The following ASIC2 variants were observed in gnomAD, a reference collection of about 807,000 sequenced individuals.
The protein encoded by ASIC2 is acid-sensing ion channel 2.
In ASIC2, 25 loss-of-function variants were observed where a neutral mutation model predicts 57.3. That is an observed-to-expected ratio of 0.44 (90% CI 0.32 to 0.61). ASIC2 has a LOEUF of 0.61. Ranked by LOEUF, ASIC2 falls within the 20% of genes least tolerant of loss-of-function variation. ASIC2 has a pLI of 0.06. For synonymous variants in ASIC2, 319 were observed against 307.5 expected (o/e 1.04, Z -0.39); for missense variants, 641 against 738.1 (o/e 0.87, Z 1.52).
At chr17:33,848,302 T>A (rs2141913562) in intron 1 of ASIC2, among the ~76,000 whole-genome samples, 1 of 152,304 alleles carries the variant, frequency 6.6e-6, no homozygotes, top group Non-Finnish European at 1.5e-5. Context: ...GCAGGCAACC[T>A]AGGTTACCCA....
chr17:33,125,567 C>T (rs1397064786), intron 1 of ASIC2, among the ~76,000 whole-genome samples: 2 of 152,170 alleles, frequency 1.3e-5, no homozygotes, highest in Non-Finnish European at 2.9e-5. Context: ...GTGCTAGGTC[C>T]TGGGAATACA....
intron 1 of ASIC2, among the ~76,000 whole-genome samples, chr17:34,027,167 C>T (rs1156895698): frequency 3.9e-5 from 6 of 152,156 alleles, no homozygotes; most frequent in African/African-American, 1.4e-4. Context: ...AAAAAAGTGG[C>T]AATTTAATAA....
At chr17:33,515,222 G>C (rs1451323589) in intron 1 of ASIC2, among the ~76,000 whole-genome samples, 1 of 152,192 alleles carries the variant, frequency 6.6e-6, no homozygotes, top group Non-Finnish European at 1.5e-5. Context: ...TGGAGGAGGA[G>C]AGCACATTCT....
intron 2 of ASIC2, among the ~76,000 whole-genome samples, chr17:33,091,023 T>C (rs1178146579): frequency 6.6e-6 from 1 of 152,174 alleles, no homozygotes; most frequent in Non-Finnish European, 1.5e-5. Context: ...CAAACTCCTA[T>C]CCATATGCTC....
At chr17:33,781,047 C>T (rs1027625614) in intron 1 of ASIC2, among the ~76,000 whole-genome samples, 4 of 152,178 alleles carry the variant, frequency 2.6e-5, no homozygotes, top group Non-Finnish European at 5.9e-5. Context: ...GATGATGAAT[C>T]GTATCCTGAA....
intron 1 of ASIC2, among the ~76,000 whole-genome samples, chr17:33,820,945 C>T (rs1912728134): frequency 6.6e-6 from 1 of 152,212 alleles, no homozygotes; most frequent in Admixed American, 6.5e-5. Flanking sequence ...TGTAGACCAC[C>T]CAGCCAGCTT....
At chr17:34,111,434 T>C (rs752385292) in intron 1 of ASIC2, among the ~76,000 whole-genome samples, 12 of 151,868 alleles carry the variant, frequency 7.9e-5, no homozygotes, top group Non-Finnish European at 1.5e-4. Flanking sequence ...CTAACCCTTT[T>C]GAAAAGATAT....
intron 1 of ASIC2, among the ~76,000 whole-genome samples, chr17:34,015,025 C>CA (rs1906898690): frequency 6.6e-6 from 1 of 150,496 alleles, no homozygotes; most frequent in Admixed American, 6.6e-5. Flanking sequence ...GCTGGGACTA[C>CA]AGGTGTGCAC....
chr17:33,588,499 T>C (rs1356944221), intron 1 of ASIC2, among the ~76,000 whole-genome samples: 1 of 152,202 alleles, frequency 6.6e-6, no homozygotes, highest in Non-Finnish European at 1.5e-5. Context: ...CCTTATTTCT[T>C]GAGCCATTCT....
chr17:33,529,980 A>G (rs887303592), intron 1 of ASIC2: 1 of 152,180 alleles, frequency 6.6e-6, no homozygotes, highest in Admixed American at 6.5e-5. Context: ...TATGTCTCTC[A>G]ACCCCGCTGG....
chr17:33,759,212 T>A (rs1267192640), intron 1 of ASIC2, among the ~76,000 whole-genome samples: 2 of 152,216 alleles, frequency 1.3e-5, no homozygotes, highest in African/African-American at 4.8e-5. Context: ...AAGGCCATCC[T>A]TGTTGTAAAT....
intron 1 of ASIC2, chr17:34,039,242 C>G: frequency 8.1e-6 from 13 of 1,613,902 alleles, no homozygotes; most frequent in Non-Finnish European, 1.1e-5. Context: ...ATTGTGAGGT[C>G]GGACTGGGTC....
In ASIC2 at chr17:33,542,212, G is replaced by A. The variant is rs185178269; in HGVS notation, c.556-430145C>T. ...ATAATGCCGCAATAAACATACGTGT[G>A]CACGTGTCTTTATAGCAGCATGATT... On this transcript the variant is annotated intron_variant, in intron 1 of 9. Coordinates refer to the ASIC2 transcript ENST00000359872. Among the ~76,000 whole-genome samples the A allele has an allele frequency of 3.2e-3, 489 of 152,108 alleles. 3 individuals carry two copies. The highest frequency in any genetic ancestry group is 5.2e-3 in the Non-Finnish European group (354 of 68,008).
intron 1 of ASIC2, among the ~76,000 whole-genome samples, chr17:33,843,171 G>T (rs568083894): frequency 2.3e-4 from 35 of 152,148 alleles, no homozygotes; most frequent in South Asian, 8.3e-4. Context: ...TCTTTCTTCC[G>T]CTGGAATGTA....
chr17:33,715,408 T>C (rs1306824114), intron 1 of ASIC2, among the ~76,000 whole-genome samples: 2 of 152,160 alleles, frequency 1.3e-5, no homozygotes, highest in Non-Finnish European at 2.9e-5. Context: ...AAATCACCAC[T>C]TGTGTGCCCA....
chr17:33,935,826 C>G (rs972263312), intron 1 of ASIC2: 1 of 152,248 alleles, frequency 6.6e-6, no homozygotes. Context: ...TTAATTACCA[C>G]AGGTGCTAGA....
At chr17:34,098,083 C>A (rs942962311) in intron 1 of ASIC2, among the ~76,000 whole-genome samples, 1 of 152,090 alleles carries the variant, frequency 6.6e-6, no homozygotes, top group Non-Finnish European at 1.5e-5. Context: ...GTGTCAGGGG[C>A]GGGTTTGGAG....
chr17:33,547,157 T>A (rs1915604104), intron 1 of ASIC2, among the ~76,000 whole-genome samples: 1 of 152,104 alleles, frequency 6.6e-6, no homozygotes, highest in Non-Finnish European at 1.5e-5. Context: ...CTGCTGCTGT[T>A]GATATAGGAA....
chr17:34,032,797 C>A (rs573735630), intron 1 of ASIC2, among the ~76,000 whole-genome samples: 1 of 152,196 alleles, frequency 6.6e-6, no homozygotes, highest in Non-Finnish European at 1.5e-5. Flanking sequence ...GGGATCAATG[C>A]AACAAGAAGA....
Sources: gnomAD v4.1 joint callset for allele counts (sites outside exome capture counted in the v4.1 genomes callset) on GRCh38, gnomAD v4.1.1 for gene constraint, MANE v1.5 for transcripts, NCBI Gene and HGNC (gene_info 2026-07-23, HGNC 2026-07-21) for gene names.